RAPGEF2: variants seen among roughly 807,000 people sequenced by gnomAD.
RAPGEF2 encodes Rap guanine nucleotide exchange factor 2.
RAPGEF2 carries 54 observed loss-of-function variants against 186.7 expected under a neutral mutation model. The ratio of observed to expected loss-of-function variants is 0.29; its 90% CI spans 0.23 to 0.36. The LOEUF (loss-of-function observed/expected upper bound fraction) is 0.36, where lower values mean the gene tolerates loss of function less well. RAPGEF2 is among the 10% of genes least tolerant of loss of function. RAPGEF2 has a pLI of 1.00. For synonymous variants in RAPGEF2, 712 were observed against 705.9 expected (o/e 1.01, Z -0.14); for missense variants, 1,532 against 2,045.0 (o/e 0.75, Z 4.84).
At position 159,332,569 on chromosome 4, in the gene RAPGEF2, T is replaced by C. The variant is rs1460650153; in HGVS notation, c.2007T>C (p.Asp669=). The C allele has an allele frequency of 6.2e-7, 1 of 1,614,140 alleles. No individual in the cohort carries two copies. ...ACTCCATTCCAGATCTTGCTGTAGA[T>C]GTAGAACAGGTGATAGGACTTGAAA... The part of the protein sequence containing the change: ...SRYSIPDLAV[D]VEQVIGLEKV... Residue 669 remains aspartate, a synonymous_variant, in exon 17 of 30, where the codon GAT becomes GAC. Transcript: ENST00000691494.
intron 7 of RAPGEF2, among the ~76,000 whole-genome samples, chr4:159,299,329 C>T (rs1561237092): frequency 6.6e-6 from 1 of 151,798 alleles, no homozygotes; most frequent in African/African-American, 2.4e-5. Context: ...AAATACATTT[C>T]AGTCAATAGA....
intron 3 of RAPGEF2, among the ~76,000 whole-genome samples, chr4:159,206,131 C>T (rs1213021599): frequency 2.6e-5 from 4 of 152,256 alleles, no homozygotes; most frequent in East Asian, 3.9e-4. Context: ...GGGGTTTCAC[C>T]GTGTTAGCCA....
chr4:159,130,671 C>T (rs530010452), intron 1 of RAPGEF2, among the ~76,000 whole-genome samples: 92 of 152,174 alleles, frequency 6.0e-4, no homozygotes, highest in Admixed American at 2.1e-3. Context: ...CCAGGCTTAG[C>T]GAATAAATTA....
At chr4:159,265,027 C>T (rs187142214) in intron 7 of RAPGEF2, among the ~76,000 whole-genome samples, 5 of 152,232 alleles carry the variant, frequency 3.3e-5, no homozygotes, top group African/African-American at 7.2e-5. Context: ...TTGCTTCTAC[C>T]GTTTGGCAAC....
intron 1 of RAPGEF2, among the ~76,000 whole-genome samples, chr4:159,114,930 TATCTA>T (rs1738882424): frequency 6.6e-6 from 1 of 152,204 alleles, no homozygotes; most frequent in Non-Finnish European, 1.5e-5. Context: ...ATAATAGTGT[TATCTA>T]AGCTGAGTGT....
chr4:159,357,861 T>C (rs1276227776), intron 29 of RAPGEF2, among the ~76,000 whole-genome samples: 1 of 152,230 alleles, frequency 6.6e-6, no homozygotes, highest in Admixed American at 6.5e-5. Flanking sequence ...ATTTAACAAC[T>C]TTCTGAACAA....
At chr4:159,155,800 A>G (rs776685998) in intron 1 of RAPGEF2, among the ~76,000 whole-genome samples, 11 of 151,744 alleles carry the variant, frequency 7.2e-5, no homozygotes, top group African/African-American at 2.4e-4. Flanking sequence ...TATTTTTAAT[A>G]TAACACTTAT....
At chr4:159,290,396 G>A (rs1761045502) in intron 7 of RAPGEF2, among the ~76,000 whole-genome samples, 1 of 152,206 alleles carries the variant, frequency 6.6e-6, no homozygotes, top group South Asian at 2.1e-4. Context: ...CAGGTTCTCT[G>A]AATGGATTTT....
intron 22 of RAPGEF2, 39 bp from the exon 23 acceptor site, chr4:159,343,997 C>T: frequency 6.6e-7 from 1 of 1,523,602 alleles, no homozygotes; most frequent in East Asian, 2.3e-5. Context: ...GTCTCTCTTT[C>T]TACACCCATG....
chr4:159,238,697 T>C, intron 4 of RAPGEF2, 112 bp from the exon 5 acceptor site: 1 of 629,930 alleles, frequency 1.6e-6, no homozygotes, highest in East Asian at 3.0e-5. Context: ...ATGTGTACTT[T>C]TTGTAATTGT....
At chr4:159,318,402 C>T (rs2111131498) in intron 9 of RAPGEF2, among the ~76,000 whole-genome samples, 1 of 152,292 alleles carries the variant, frequency 6.6e-6, no homozygotes, top group South Asian at 2.1e-4. Flanking sequence ...GCCTCTTTTC[C>T]TACCCAACGT....
At chr4:159,342,719 T>G (rs1216131579) in intron 20 of RAPGEF2, among the ~76,000 whole-genome samples, 1 of 151,798 alleles carries the variant, frequency 6.6e-6, no homozygotes, top group East Asian at 1.9e-4. Context: ...GCATCAATAC[T>G]TACATTCAGG....
At chr4:159,295,522 A>G (rs985100932) in intron 7 of RAPGEF2, among the ~76,000 whole-genome samples, 2 of 152,146 alleles carry the variant, frequency 1.3e-5, no homozygotes, top group Non-Finnish European at 2.9e-5. Context: ...ATATACATTA[A>G]TCAACTACCT....
intron 1 of RAPGEF2, among the ~76,000 whole-genome samples, chr4:159,169,994 A>G (rs954898724): frequency 3.3e-5 from 5 of 151,762 alleles, no homozygotes; most frequent in African/African-American, 1.2e-4. Context: ...GAACCTCCAT[A>G]CTGTTTTCCA....
intron 1 of RAPGEF2, among the ~76,000 whole-genome samples, chr4:159,141,668 TC>T: frequency 6.6e-6 from 1 of 152,250 alleles, no homozygotes; most frequent in Non-Finnish European, 1.5e-5. Context: ...AGTTTATATT[TC>T]CACCAACAGT....
chr4:159,322,841 G>A (rs1399496134), intron 10 of RAPGEF2, among the ~76,000 whole-genome samples: 1 of 152,098 alleles, frequency 6.6e-6, no homozygotes, highest in Non-Finnish European at 1.5e-5. Flanking sequence ...ATCAGATCTT[G>A]TGAGACTTAT....
chr4:159,344,406 A>C (rs1348476863), intron 23 of RAPGEF2, among the ~76,000 whole-genome samples: 2 of 152,228 alleles, frequency 1.3e-5, no homozygotes, highest in African/African-American at 4.8e-5. Flanking sequence ...TTAGAAGGGA[A>C]AAGTTGTGCA....
At chr4:159,133,419 A>ATT (rs747028919) in intron 1 of RAPGEF2, among the ~76,000 whole-genome samples, 68 of 143,516 alleles carry the variant, frequency 4.7e-4, no homozygotes, top group Non-Finnish European at 7.7e-4. Context: ...AGTTGTATGA[A>ATT]TTTTTTTTTT....
At chr4:159,192,650 A>G (rs1460958831) in intron 2 of RAPGEF2, among the ~76,000 whole-genome samples, 1 of 152,146 alleles carries the variant, frequency 6.6e-6, no homozygotes, top group Non-Finnish European at 1.5e-5. Context: ...ATTTTTTCAA[A>G]AACTCTGGGA....
Sources: gnomAD v4.1 joint callset for allele counts (sites outside exome capture counted in the v4.1 genomes callset) on GRCh38, gnomAD v4.1.1 for gene constraint, MANE v1.5 for transcripts, NCBI Gene and HGNC (gene_info 2026-07-23, HGNC 2026-07-21) for gene names.